The following BTRC variants were observed in gnomAD, a reference collection of about 807,000 sequenced individuals.
BTRC encodes the protein beta-transducin repeat containing E3 ubiquitin protein ligase, also known as F-box/WD repeat-containing protein 1A.
Under a neutral mutation model 85.5 loss-of-function variants are expected in BTRC, and 42 were observed. That is an observed-to-expected ratio of 0.49 (90% CI 0.38 to 0.64). The LOEUF is 0.64. Among genes scored for constraint, BTRC ranks in the 30% least tolerant of loss-of-function variants. The pLI is 0.00. For missense variants in BTRC, 594 were observed against 743.5 expected, an observed-to-expected ratio of 0.80 and a Z score of 2.34; for synonymous variants, 255 against 263.3, an observed-to-expected ratio of 0.97 and a Z score of 0.30.
chr10:101,385,615 C>CTTTT lies in BTRC; in HGVS notation c.48+31389_48+31390insTTTT, dbSNP rs146804594. Among the ~76,000 whole-genome samples, 123 of 48,846 alleles carry CTTTT rather than the reference C, an allele frequency of 2.5e-3. 2 individuals carry two copies. Among genetic ancestry groups the CTTTT allele is most frequent in the East Asian group, 5.1e-3 (13 of 2,526 alleles). The allele number at this position is 48,846 out of a possible 152,430, so 32.0% of individuals were successfully genotyped here. On this transcript the variant is annotated intron_variant, in intron 1 of 14. Coordinates refer to ENST00000370187, the MANE Select transcript of BTRC (RefSeq NM_033637.4). ...TTTTCTTTGTTCTTTCTTTCTTCTT[C>CTTTT]TTCTTTTTTTTTTTTTTTGTGTGTT...
At chr10:101,418,143 G>T (rs1943996640) in intron 1 of BTRC, among the ~76,000 whole-genome samples, 1 of 152,102 alleles carries the variant, frequency 6.6e-6, no homozygotes, top group Admixed American at 6.6e-5. Context: ...GAGGCAGGTG[G>T]GTCATTTGAG....
chr10:101,462,149 T>C, intron 3 of BTRC, 91 bp downstream of exon 3: 2 of 1,043,602 alleles, frequency 1.9e-6, no homozygotes, highest in Non-Finnish European at 2.9e-6. Flanking sequence ...CTTTAAGCAC[T>C]GGAGCTTATA....
At chr10:101,392,129 G>A (rs989852253) in intron 1 of BTRC, among the ~76,000 whole-genome samples, 16 of 152,062 alleles carry the variant, frequency 1.1e-4, no homozygotes, top group Admixed American at 2.0e-4. Context: ...ACTGGCGTGC[G>A]CCACCACGCC....
At chr10:101,510,684 C>T (rs1205815639) in intron 4 of BTRC, among the ~76,000 whole-genome samples, 1 of 152,096 alleles carries the variant, frequency 6.6e-6, no homozygotes, top group East Asian at 1.9e-4. Context: ...GTTGTATCCC[C>T]ATCCAGATTA....
intron 2 of BTRC, among the ~76,000 whole-genome samples, chr10:101,452,831 G>A (rs1246824729): frequency 6.6e-6 from 1 of 152,148 alleles, no homozygotes; most frequent in Non-Finnish European, 1.5e-5. Flanking sequence ...TAAACATGCT[G>A]GAGAAGCAAT....
intron 1 of BTRC, among the ~76,000 whole-genome samples, chr10:101,363,572 C>T (rs1208771450): frequency 6.6e-6 from 1 of 152,126 alleles, no homozygotes; most frequent in Non-Finnish European, 1.5e-5. Context: ...GATTCTCCTG[C>T]CTCAGCCTCC....
At chr10:101,429,846 A>G (rs1472842208) in intron 1 of BTRC, among the ~76,000 whole-genome samples, 1 of 146,190 alleles carries the variant, frequency 6.8e-6, no homozygotes, top group Non-Finnish European at 1.5e-5. Context: ...GTAGGGATAC[A>G]ATACTTTTTC....
chr10:101,454,099 C>T (rs1367223777), intron 2 of BTRC, among the ~76,000 whole-genome samples: 1 of 150,782 alleles, frequency 6.6e-6, no homozygotes, highest in Non-Finnish European at 1.5e-5. Context: ...TGAAGTTCCT[C>T]TGCTATTAAA....
At chr10:101,505,022 A>G (rs1346889486) in intron 4 of BTRC, among the ~76,000 whole-genome samples, 2 of 150,358 alleles carry the variant, frequency 1.3e-5, no homozygotes, top group African/African-American at 4.9e-5. Flanking sequence ...GCTCACTGCA[A>G]CTTCTGCCTC....
chr10:101,405,807 A>G (rs921078432), intron 1 of BTRC, among the ~76,000 whole-genome samples: 8 of 152,196 alleles, frequency 5.3e-5, no homozygotes, highest in Non-Finnish European at 1.0e-4. Context: ...ATGCTAGTCA[A>G]CAACATACAC....
At chr10:101,385,615 C>CTTTTTTTTTTTTTTTTTTTTTTTTTTT (rs146804594) in intron 1 of BTRC, among the ~76,000 whole-genome samples, 2 of 48,900 alleles carry the variant, frequency 4.1e-5, no homozygotes, top group African/African-American at 5.5e-5. Context: ...CTTTCTTCTT[C>CTTTTTTTTTTTTTTTTTTTTTTTTTTT]TTCTTTTTTT....
chr10:101,532,869 G>T lies in BTRC; in HGVS notation c.979-83G>T. On this transcript the variant is annotated intron_variant, in intron 8 of 14. Coordinates refer to ENST00000370187, the MANE Select transcript of BTRC (RefSeq NM_033637.4). ...TACTCTGGGCTTTGATTATTTTGGG[G>T]GATCAGACACGTAATAGGACCAACA... The T allele has an allele frequency of 3.6e-6, 4 of 1,115,220 alleles. No individual in the cohort carries two copies. The South Asian group carries it at 5.2e-5, about 15-fold the overall frequency. The allele number at this position is 1,115,220 out of a possible 1,614,324, so 69.1% of individuals were successfully genotyped here.
chr10:101,376,600 T>A (rs185890366), intron 1 of BTRC, among the ~76,000 whole-genome samples: 130 of 152,292 alleles, frequency 8.5e-4, no homozygotes, highest in Admixed American at 1.6e-3. Flanking sequence ...AAACTGGTAG[T>A]TTTTCCTAGT....
chr10:101,541,152 T>C (rs79010936), intron 13 of BTRC, among the ~76,000 whole-genome samples: 10,104 of 151,954 alleles, frequency 0.066, 352 homozygotes, highest in Non-Finnish European at 0.074. Flanking sequence ...TTAAAAACAA[T>C]TGGTAAGAGT....
chr10:101,521,936 A>G (rs2062111911), intron 5 of BTRC, 66 bp downstream of exon 5: 3 of 1,236,808 alleles, frequency 2.4e-6, no homozygotes, highest in Middle Eastern at 2.3e-4. Flanking sequence ...ATCTCCAGCT[A>G]TATATCTCTC....
At chr10:101,540,396 C>T (rs2062448853) in intron 13 of BTRC, among the ~76,000 whole-genome samples, 4 of 152,076 alleles carry the variant, frequency 2.6e-5, no homozygotes, top group South Asian at 2.1e-4. Flanking sequence ...TTTCGAAATG[C>T]TTTTGCAGCT....
chr10:101,366,788 A>ATATATATT (rs1482374733), intron 1 of BTRC, among the ~76,000 whole-genome samples: 1 of 68,854 alleles, frequency 1.5e-5, no homozygotes, highest in Non-Finnish European at 3.0e-5. Flanking sequence ...ATATATATAT[A>ATATATATT]TTTTTACATT....
intron 7 of BTRC, among the ~76,000 whole-genome samples, chr10:101,531,962 T>C (rs117373316): frequency 0.011 from 1,751 of 152,312 alleles, 18 homozygotes; most frequent in Non-Finnish European, 0.019. Context: ...TCAGTAGCAA[T>C]GGCCATCACA....
intron 4 of BTRC, among the ~76,000 whole-genome samples, chr10:101,511,409 T>A (rs2061951545): frequency 6.6e-6 from 1 of 152,154 alleles, no homozygotes; most frequent in Non-Finnish European, 1.5e-5. Flanking sequence ...CTTTACTTCT[T>A]TTCTTTTTCT....
Sources: allele counts gnomAD v4.1 joint callset (sites outside exome capture counted in the v4.1 genomes callset), GRCh38; gene constraint gnomAD v4.1.1; transcripts MANE v1.5; gene names NCBI Gene and HGNC (gene_info 2026-07-23, HGNC 2026-07-21).